Variants in ACSL3 observed in about 807,000 individuals in gnomAD.
The protein encoded by ACSL3 is fatty acid CoA ligase Acsl3.
ACSL3 carries 34 observed loss-of-function variants against 84.7 expected under a neutral mutation model. The observed-to-expected ratio is 0.40, with a 90% CI of 0.31 to 0.53. The LOEUF (loss-of-function observed/expected upper bound fraction) is 0.53. Among genes scored for constraint, ACSL3 ranks in the 20% least tolerant of loss-of-function variants. The pLI is 0.48. For missense variants in ACSL3, 680 were observed against 873.1 expected, an observed-to-expected ratio of 0.78 and a Z score of 2.79; for synonymous variants, 315 against 299.4, an observed-to-expected ratio of 1.05 and a Z score of -0.54.
intron 7 of ACSL3, 81 bp from the exon 8 acceptor site, chr2:222,921,199 A>G: frequency 6.9e-7 from 1 of 1,446,192 alleles, no homozygotes; most frequent in Non-Finnish European, 9.5e-7. Flanking sequence ...TGAGTTATTT[A>G]TTTGATGATA....
intron 1 of ACSL3, among the ~76,000 whole-genome samples, chr2:222,880,242 G>A (rs532081097): frequency 1.3e-5 from 2 of 152,198 alleles, no homozygotes; most frequent in African/African-American, 4.8e-5. Context: ...TATCACATAA[G>A]CATACAAAAC....
chr2:222,874,400 A>G (rs1695391825), intron 1 of ACSL3, among the ~76,000 whole-genome samples: 1 of 152,196 alleles, frequency 6.6e-6, no homozygotes, highest in African/African-American at 2.4e-5. Flanking sequence ...ATAATTAAAA[A>G]AATTTCTTGG....
chr2:222,915,149 A>G (rs1343384739), intron 4 of ACSL3, among the ~76,000 whole-genome samples: 1 of 152,178 alleles, frequency 6.6e-6, no homozygotes, highest in Non-Finnish European at 1.5e-5. Context: ...CATTTTGGCC[A>G]AGTTGTCATC....
chr2:222,922,498 G>A (rs376491574), intron 8 of ACSL3, among the ~76,000 whole-genome samples: 4 of 152,244 alleles, frequency 2.6e-5, no homozygotes, highest in African/African-American at 9.6e-5. Context: ...TTTGGGTTGA[G>A]CTGTAATTCT....
chr2:222,921,937 A>T (rs1696751275), intron 8 of ACSL3, among the ~76,000 whole-genome samples: 1 of 152,130 alleles, frequency 6.6e-6, no homozygotes, highest in African/African-American at 2.4e-5. Flanking sequence ...TATTCTGATG[A>T]CCGATAGGGT....
At position 222,941,915 on chromosome 2, in the gene ACSL3, A is replaced by G; in HGVS notation, c.*261A>G. 3.1e-6 allele frequency: 1 copy of G among 324,988 alleles called. No homozygotes were observed. The highest frequency in any genetic ancestry group is 1.2e-4 in the South Asian group (1 of 8,134). The allele number at this position is 324,988 out of a possible 1,614,324, so 20.1% of individuals were successfully genotyped here. A position where few individuals can be genotyped will look rare whatever the true frequency, so the allele number is the denominator to read the frequency against. On this transcript the variant is annotated 3_prime_UTR_variant, in exon 17 of 17. Transcript: ENST00000357430. ...GTCAGTATGAGAATTTTTCTGAATC[A>G]TATTGGGGAAGCAGTGATTTTAAAA...
rs111976157 is a variant in ACSL3 at position 222,927,238 on chromosome 2, T to C, written c.1465+49T>C. 6.0e-3 allele frequency: 9,534 copies of C among 1,589,750 alleles called. 30 individuals are homozygous for C. Among genetic ancestry groups the C allele is most frequent in the Middle Eastern group, 9.6e-3 (55 of 5,720 alleles). On this transcript the variant is annotated intron_variant, in intron 12 of 16. Transcript: ENST00000357430. Reference sequence around the variant, plus strand: ...CTGGAGTGTGATGCCAGACGTTTTTTTGGGGTATGGGATATTTTCTGCAAA... The same window carrying C: ...CTGGAGTGTGATGCCAGACGTTTTTCTGGGGTATGGGATATTTTCTGCAAA...
chr2:222,865,614 C>T (rs1449010230), intron 1 of ACSL3, among the ~76,000 whole-genome samples: 1 of 152,142 alleles, frequency 6.6e-6, no homozygotes, highest in Non-Finnish European at 1.5e-5. Context: ...ATAATCAGTG[C>T]AGCAGTGGAA....
intron 1 of ACSL3, among the ~76,000 whole-genome samples, chr2:222,862,436 G>A (rs1027796840): frequency 9.9e-5 from 15 of 152,212 alleles, no homozygotes; most frequent in African/African-American, 3.6e-4. Flanking sequence ...GTGGCCAGGA[G>A]AGTTGTAGTT....
At chr2:222,895,118 C>T (rs1695941761) in intron 2 of ACSL3, among the ~76,000 whole-genome samples, 1 of 152,150 alleles carries the variant, frequency 6.6e-6, no homozygotes, top group South Asian at 2.1e-4. Flanking sequence ...CTCCAGCCTG[C>T]CTTTGCTATT....
At chr2:222,939,488 T>TTCA (rs1201434674) in intron 16 of ACSL3, among the ~76,000 whole-genome samples, 2 of 152,140 alleles carry the variant, frequency 1.3e-5, no homozygotes, top group Non-Finnish European at 1.5e-5. Context: ...CAGCCTCTGG[T>TTCA]TCATGTTAAT....
intron 1 of ACSL3, among the ~76,000 whole-genome samples, chr2:222,870,103 G>GTT (rs60071249): frequency 0.013 from 1,791 of 140,374 alleles, 25 homozygotes; most frequent in African/African-American, 0.039. Flanking sequence ...TGGACTTCTG[G>GTT]TTTTTTTTTT....
At chr2:222,904,489 G>T (rs545985138) in intron 3 of ACSL3, among the ~76,000 whole-genome samples, 1 of 152,236 alleles carries the variant, frequency 6.6e-6, no homozygotes, top group South Asian at 2.1e-4. Context: ...TCATGCTGTG[G>T]ATGTTTTCTT....
intron 3 of ACSL3, among the ~76,000 whole-genome samples, chr2:222,906,438 C>A (rs1458290029): frequency 2.6e-5 from 4 of 152,156 alleles, no homozygotes; most frequent in African/African-American, 4.8e-5. Context: ...TAAATTTCCC[C>A]ACTTGTGATC....
intron 16 of ACSL3, among the ~76,000 whole-genome samples, chr2:222,939,405 C>T (rs1682857724): frequency 6.6e-6 from 1 of 152,150 alleles, no homozygotes; most frequent in Non-Finnish European, 1.5e-5. Flanking sequence ...TGGTGTCTGT[C>T]TGTGATATTG....
Position 222,921,766 on chromosome 2 carries a change from A to G in ACSL3, c.956+336A>G, listed in dbSNP as rs182933835. Among the ~76,000 whole-genome samples the G allele has an allele frequency of 6.6e-5, 10 of 152,234 alleles. No homozygotes were observed. In the East Asian group the frequency reaches 1.7e-3, roughly 26 times the overall value. Reference sequence around the variant, plus strand: ...AACAGGTAACTTAATTTATCCACTAAGTATTTGTTGAGCTTCAGTATTTGG... The same window carrying G: ...AACAGGTAACTTAATTTATCCACTAGGTATTTGTTGAGCTTCAGTATTTGG... On this transcript the variant is annotated intron_variant, in intron 8 of 16. Coordinates refer to ENST00000357430, the MANE Select transcript of ACSL3 (RefSeq NM_004457.5).
chr2:222,923,644 C>T (rs565384002), intron 10 of ACSL3, among the ~76,000 whole-genome samples: 2 of 152,170 alleles, frequency 1.3e-5, no homozygotes, highest in South Asian at 4.1e-4. Flanking sequence ...GGGAATAAGA[C>T]AAGGGAAATG....
intron 1 of ACSL3, among the ~76,000 whole-genome samples, chr2:222,879,190 C>T (rs902210818): frequency 4.6e-5 from 7 of 152,040 alleles, no homozygotes; most frequent in Admixed American, 1.3e-4. Context: ...TGGTGGCGGG[C>T]GCTTGTAATC....
chr2:222,899,840 T>A (rs902758997), intron 2 of ACSL3, among the ~76,000 whole-genome samples: 3 of 152,194 alleles, frequency 2.0e-5, no homozygotes, highest in African/African-American at 7.2e-5. Context: ...TAGGAATGCC[T>A]TTGTTCTCCA....
Sources: gnomAD v4.1 joint callset for allele counts (sites outside exome capture counted in the v4.1 genomes callset) on GRCh38, gnomAD v4.1.1 for gene constraint, MANE v1.5 for transcripts, NCBI Gene and HGNC (gene_info 2026-07-23, HGNC 2026-07-21) for gene names.